Variants in ZNF827 observed in about 807,000 individuals in gnomAD.
ZNF827 encodes zinc finger protein 827.
In ZNF827, 13 loss-of-function variants were observed where a neutral mutation model predicts 102.4. The observed-to-expected ratio is 0.13, with a 90% CI of 0.08 to 0.20. The LOEUF is 0.20. Ranked by LOEUF, ZNF827 falls within the 10% of genes least tolerant of loss-of-function variation. ZNF827 has a pLI of 1.00. For synonymous variants in ZNF827, 523 were observed against 536.2 expected (o/e 0.98, Z 0.34); for missense variants, 1,103 against 1,344.4 (o/e 0.82, Z 2.81).
At chr4:145,825,499 G>A (rs6855560) in intron 7 of ZNF827, among the ~76,000 whole-genome samples, 6,273 of 152,266 alleles carry the variant, frequency 0.041, 272 homozygotes, top group East Asian at 0.15. Flanking sequence ...CAGATGGGAC[G>A]TGGTGATGCT....
chr4:145,935,676 G>A (rs1312450037), intron 1 of ZNF827, among the ~76,000 whole-genome samples: 1 of 152,124 alleles, frequency 6.6e-6, no homozygotes, highest in Non-Finnish European at 1.5e-5. Flanking sequence ...TTTTTTAAGT[G>A]AGTGGCTAAC....
At chr4:145,768,892 T>TAA (rs1560894476) in intron 11 of ZNF827, among the ~76,000 whole-genome samples, 4 of 7,286 alleles carry the variant, frequency 5.5e-4, no homozygotes, top group Non-Finnish European at 6.5e-4. Flanking sequence ...AAAAAAAAAA[T>TAA]ATATATATAT....
intron 5 of ZNF827, among the ~76,000 whole-genome samples, chr4:145,862,068 G>T (rs1040721359): frequency 6.6e-6 from 1 of 152,224 alleles, no homozygotes; most frequent in African/African-American, 2.4e-5. Flanking sequence ...CCCATATGGG[G>T]CGGGGGAAAG....
intron 1 of ZNF827, among the ~76,000 whole-genome samples, chr4:145,905,411 T>C (rs574768673): frequency 6.6e-6 from 1 of 152,368 alleles, no homozygotes; most frequent in African/African-American, 2.4e-5. Context: ...CTGCAACTCC[T>C]TCCTGAGATT....
At chr4:145,875,114 T>C (rs1480537470) in intron 4 of ZNF827, among the ~76,000 whole-genome samples, 4 of 152,200 alleles carry the variant, frequency 2.6e-5, no homozygotes, top group Non-Finnish European at 5.9e-5. Context: ...TATATAGTAA[T>C]TGGGAAAATA....
chr4:145,809,210 A>G (rs1445411037), intron 8 of ZNF827, among the ~76,000 whole-genome samples: 53 of 152,248 alleles, frequency 3.5e-4, no homozygotes, highest in Non-Finnish European at 4.4e-5. Flanking sequence ...ATTCAGTATG[A>G]GAATAGTATG....
At chr4:145,899,314 G>A (rs1451468013) in intron 2 of ZNF827, among the ~76,000 whole-genome samples, 1 of 152,102 alleles carries the variant, frequency 6.6e-6, no homozygotes, top group East Asian at 1.9e-4. Flanking sequence ...GGGGGAGGGA[G>A]GGGGAGGGAA....
chr4:145,778,019 T>C (rs1737365003), intron 9 of ZNF827, among the ~76,000 whole-genome samples: 1 of 152,176 alleles, frequency 6.6e-6, no homozygotes, highest in South Asian at 2.1e-4. Flanking sequence ...TTTTTGAACA[T>C]GTTAAAGTTT....
intron 8 of ZNF827, among the ~76,000 whole-genome samples, chr4:145,800,046 A>G (rs1480970861): frequency 2.6e-5 from 4 of 152,166 alleles, no homozygotes; most frequent in African/African-American, 7.2e-5. Context: ...TAATACATAC[A>G]ATAATTTTTT....
chr4:145,859,826 C>T (rs1451990963), intron 5 of ZNF827, among the ~76,000 whole-genome samples: 1 of 152,068 alleles, frequency 6.6e-6, no homozygotes, highest in African/African-American at 2.4e-5. Context: ...GGACTGATAC[C>T]CCAGTCCTGG....
chr4:145,811,643 T>G (rs1742021827), intron 8 of ZNF827, among the ~76,000 whole-genome samples: 1 of 152,212 alleles, frequency 6.6e-6, no homozygotes, highest in African/African-American at 2.4e-5. Context: ...GCACAATTTT[T>G]TAATCATTTA....
chr4:145,868,140 A>C (rs1748366122), intron 5 of ZNF827, among the ~76,000 whole-genome samples: 1 of 152,202 alleles, frequency 6.6e-6, no homozygotes, highest in Non-Finnish European at 1.5e-5. Flanking sequence ...ATTTGCTTTT[A>C]AGTCACATGC....
rs1427318843 is a variant in ZNF827 at position 145,782,159 on chromosome 4, A to G, written c.2384-2648T>C. Among the ~76,000 whole-genome samples the G allele has an allele frequency of 2.0e-5, 3 of 152,172 alleles. No homozygotes were observed. The East Asian group carries it at 5.8e-4, about 29-fold the overall frequency. ...TAGGAATCGCTGCTCTCCCCACCTC[A>G]TGTTTGCATTTGCTACAGCAATCCA... On this transcript the variant is annotated intron_variant, in intron 8 of 14. Coordinates refer to ENST00000508784, the MANE Select transcript of ZNF827 (RefSeq NM_001306215.2).
At chr4:145,806,147 CTTTTT>C (rs11364915) in intron 8 of ZNF827, among the ~76,000 whole-genome samples, 1 of 77,364 alleles carries the variant, frequency 1.3e-5, no homozygotes. Flanking sequence ...AATAAATGAA[CTTTTT>C]TTTTTTTTTT....
rs189730597 is a variant in ZNF827 at position 145,922,928 on chromosome 4, C to A, written c.43+15437G>T. Among the ~76,000 whole-genome samples the A allele has an allele frequency of 5.1e-3, 777 of 152,300 alleles. 5 individuals are homozygous for A. The highest frequency in any genetic ancestry group is 0.041 in the East Asian group (214 of 5,186). ...CATGTATCTTACACTGTGAATTTGA[C>A]AGCTTCCCAATACGGTCCTTAAACA... is the stretch of plus-strand genomic sequence containing the variant. On this transcript the variant is annotated intron_variant, in intron 1 of 14. Coordinates refer to ENST00000508784, the MANE Select transcript of ZNF827 (RefSeq NM_001306215.2).
At chr4:145,906,655 T>A (rs1379342471) in intron 1 of ZNF827, among the ~76,000 whole-genome samples, 2 of 152,226 alleles carry the variant, frequency 1.3e-5, no homozygotes, top group East Asian at 3.8e-4. Context: ...GATAAAGATG[T>A]CTGAACCTTC....
rs577997901 is a variant in ZNF827, at chr4:145,782,880, G to A, written c.2384-3369C>T. Among the ~76,000 whole-genome samples the A allele has an allele frequency of 7.2e-5, 11 of 152,156 alleles. No individual in the cohort carries two copies. In the South Asian group the frequency reaches 2.3e-3, roughly 32 times the overall value. ...GTTCCTCCACCAAAAGCTACTCCCC[G>A]CAACTACTTCTGTACAATAAACTCA... is the stretch of plus-strand genomic sequence containing the variant. On this transcript the variant is annotated intron_variant, in intron 8 of 14. Coordinates refer to ENST00000508784, the MANE Select transcript of ZNF827 (RefSeq NM_001306215.2).
At chr4:145,789,571 C>T (rs1739384287) in intron 8 of ZNF827, among the ~76,000 whole-genome samples, 1 of 152,148 alleles carries the variant, frequency 6.6e-6, no homozygotes, top group African/African-American at 2.4e-5. Flanking sequence ...AAAACAAAAG[C>T]AAAAACAGTA....
rs79187773 is a variant in ZNF827, at chr4:145,855,209, T to C, written c.1982-5648A>G. Among the ~76,000 whole-genome samples, 985 of 152,332 alleles carry C rather than the reference T, an allele frequency of 6.5e-3. 9 individuals carry two copies. Among genetic ancestry groups the C allele is most frequent in the African/African-American group, 0.022 (914 of 41,580 alleles). On this transcript the variant is annotated intron_variant, in intron 5 of 14. Transcript: ENST00000508784. ...CCCTCTCGACTGCATGCTATCATGATTTGGAACTAGTATTGTAGAACAAGA... is the reference window on the plus strand; with the variant it reads ...CCCTCTCGACTGCATGCTATCATGACTTGGAACTAGTATTGTAGAACAAGA...
Sources: allele counts gnomAD v4.1 joint callset (sites outside exome capture counted in the v4.1 genomes callset), GRCh38; gene constraint gnomAD v4.1.1; transcripts MANE v1.5; gene names NCBI Gene and HGNC (gene_info 2026-07-23, HGNC 2026-07-21).